Variants in ANKRD36C observed in about 807,000 individuals in gnomAD.
ANKRD36C encodes the protein ankyrin repeat domain 36C, also known as ankyrin repeat domain-containing protein 36C.
In ANKRD36C, 61 loss-of-function variants were observed where a neutral mutation model predicts 276.4. The observed-to-expected ratio is 0.22, with a 90% confidence interval of 0.18 to 0.27. The LOEUF (loss-of-function observed/expected upper bound fraction) is 0.27, where lower values mean the gene tolerates loss of function less well. Among genes scored for constraint, ANKRD36C ranks in the 10% least tolerant of loss-of-function variants. The pLI is 1.00. For missense variants in ANKRD36C, 1,447 were observed against 2,032.3 expected, an observed-to-expected ratio of 0.71 and a Z score of 5.54; for synonymous variants, 483 against 680.1, an observed-to-expected ratio of 0.71 and a Z score of 4.51.
rs936491760 is a variant in ANKRD36C at position 95,893,276 on chromosome 2, G to C, written c.2756-1416C>G. 6.0e-5 allele frequency among the ~76,000 whole-genome samples: 9 copies of C among 151,216 alleles called. No individual in the cohort carries two copies. The East Asian group carries it at 1.6e-3, about 26-fold the overall frequency. ...TAAAGCAAAACTATGCTGTTCCCCAGAGCCCCTTATGTCTTCAACTGCTCT... is the reference window on the plus strand; with the variant it reads ...TAAAGCAAAACTATGCTGTTCCCCACAGCCCCTTATGTCTTCAACTGCTCT... On this transcript the variant is annotated intron_variant, in intron 44 of 66. Transcript: ENST00000456556.
chr2:95,865,575 G>T, intron 60 of ANKRD36C, among the ~76,000 whole-genome samples: 2 of 151,940 alleles, frequency 1.3e-5, no homozygotes, highest in East Asian at 1.9e-4. Context: ...AGATATCTTG[G>T]GGATAGGACC....
At chr2:95,987,748 A>C (rs1190034063) in intron 1 of ANKRD36C, among the ~76,000 whole-genome samples, 6 of 151,556 alleles carry the variant, frequency 4.0e-5, no homozygotes, top group African/African-American at 1.5e-4. Flanking sequence ...CAGCCTCCCG[A>C]GTAGCTGGGA....
intron 44 of ANKRD36C, 123 bp downstream of exon 64, chr2:95,893,410 A>G: frequency 7.3e-7 from 1 of 1,374,096 alleles, no homozygotes; most frequent in African/African-American, 1.5e-5. Flanking sequence ...CTACAAATGA[A>G]GAATCTCCGG....
Position 95,941,096 on chromosome 2 carries a change from A to G in ANKRD36C, c.1531+64T>C, listed in dbSNP as rs1004927599. 5.1e-6 allele frequency: 7 copies of G among 1,372,874 alleles called. No homozygotes were observed. The African/African-American group carries it at 9.0e-5, about 18-fold the overall frequency. 85.0% of individuals were successfully genotyped at this position (1,372,874 alleles called of 1,614,324 possible). On this transcript the variant is annotated intron_variant, in intron 20 of 66. Transcript: ENST00000456556. ...TACCTCACCACCTTTGTTTCTTTGTACACAAAAAATAACATTATCATTATT... is the reference window on the plus strand; with the variant it reads ...TACCTCACCACCTTTGTTTCTTTGTGCACAAAAAATAACATTATCATTATT...
rs553147684 is a variant in ANKRD36C at position 95,902,515 on chromosome 2, A to G, written c.2654-3179T>C. ...TACGGGTTGTTACAACAAGCTTTCT[A>G]TCTTTTCTTGGCAGTACGATCTGAA... On this transcript the variant is annotated intron_variant, in intron 42 of 66. Transcript: ENST00000456556. 7.6e-4 allele frequency among the ~76,000 whole-genome samples: 114 copies of G among 150,146 alleles called. 1 individual carries two copies. The highest frequency in any genetic ancestry group is 1.0e-3 in the South Asian group (5 of 4,768).
chr2:95,972,580 A>T (rs1458509740), intron 6 of ANKRD36C, among the ~76,000 whole-genome samples: 2 of 152,212 alleles, frequency 1.3e-5, no homozygotes, highest in Non-Finnish European at 2.9e-5. Flanking sequence ...AGTCCTTCTA[A>T]GTGAATCGCC....
chr2:95,927,987 A>C (rs1677456702), intron 26 of ANKRD36C, among the ~76,000 whole-genome samples: 1 of 151,650 alleles, frequency 6.6e-6, no homozygotes, highest in Admixed American at 6.6e-5. Flanking sequence ...CATGTGGTGT[A>C]ATAATTTGCC....
intron 60 of ANKRD36C, among the ~76,000 whole-genome samples, chr2:95,860,346 G>A (rs74951736): frequency 2.6e-5 from 4 of 151,618 alleles, no homozygotes; most frequent in Non-Finnish European, 5.9e-5. Context: ...ACATAGTTAT[G>A]TGATTGCATA....
chr2:95,991,691 C>T, exon 1 of ANKRD36C: 6 of 1,613,494 alleles, frequency 3.7e-6, no homozygotes, highest in African/African-American at 1.3e-5. Flanking sequence ...GCCACCTCTT[C>T]GGCTCCTTGT....
At chr2:95,893,797 T>G (rs1476460557) in intron 44 of ANKRD36C, 73 bp from the exon 63 acceptor site, 2 of 1,597,780 alleles carry the variant, frequency 1.3e-6, no homozygotes, top group African/African-American at 2.7e-5. Context: ...CATGCAGAGT[T>G]AGCATCAAAC....
At chr2:95,916,975 T>C (rs1385510776) in intron 36 of ANKRD36C, among the ~76,000 whole-genome samples, 4 of 151,634 alleles carry the variant, frequency 2.6e-5, no homozygotes, top group Admixed American at 6.6e-5. Context: ...AAAATGACCA[T>C]TTTAGGAGTT....
In ANKRD36C at chr2:95,883,688, T is replaced by C. The variant is rs1685775823; in HGVS notation, c.3265+485A>G. Among the ~76,000 whole-genome samples the C allele has an allele frequency of 2.0e-5, 3 of 152,062 alleles. 1 individual carries two copies. The South Asian group carries it at 6.2e-4, about 32-fold the overall frequency. On this transcript the variant is annotated intron_variant, in intron 54 of 66. Transcript: ENST00000456556. Reference sequence around the variant, plus strand: ...ACAAAATTACCTAAATAACTTCTTATTTTCCCTCCTTTCTGCCTGACAATC... The same window carrying C: ...ACAAAATTACCTAAATAACTTCTTACTTTCCCTCCTTTCTGCCTGACAATC...
exon 28 of ANKRD36C, chr2:95,927,264 G>A (rs1677430546): frequency 6.2e-7 from 1 of 1,609,996 alleles, no homozygotes; most frequent in South Asian, 1.1e-5. Context: ...ATTTGAAACA[G>A]AATCTTTCTC....
chr2:95,891,140 G>A (rs192160541), intron 46 of ANKRD36C, among the ~76,000 whole-genome samples: 1 of 151,448 alleles, frequency 6.6e-6, no homozygotes, highest in Admixed American at 6.6e-5. Context: ...GTTCACTCAG[G>A]TTTCCTCAGC....
intron 19 of ANKRD36C, 146 bp downstream of exon 19, chr2:95,944,481 A>T (rs558261768): frequency 1.3e-6 from 1 of 764,466 alleles, no homozygotes; most frequent in African/African-American, 1.8e-5. Context: ...GGGAGATGGC[A>T]AGTGAATAAA....
intron 60 of ANKRD36C, among the ~76,000 whole-genome samples, chr2:95,863,983 T>C (rs1009208389): frequency 1.3e-5 from 2 of 151,998 alleles, no homozygotes; most frequent in African/African-American, 2.4e-5. Context: ...GGGGTGATTG[T>C]GATGTGTCAA....
At chr2:95,912,773 A>G (rs181769815) in intron 40 of ANKRD36C, among the ~76,000 whole-genome samples, 2 of 151,638 alleles carry the variant, frequency 1.3e-5, no homozygotes, top group East Asian at 2.0e-4. Context: ...GTGAGAATCA[A>G]TGTCAGAACA....
At chr2:95,925,541 G>T (rs180830676) in exon 29 of ANKRD36C, 2 of 1,548,184 alleles carry the variant, frequency 1.3e-6, no homozygotes, top group South Asian at 2.4e-5. Flanking sequence ...TTGTTTCTGA[G>T]GAGACACTGA....
Position 95,852,364 on chromosome 2 carries a change from T to G in ANKRD36C, c.5149-168A>C, listed in dbSNP as rs1277520680. 12 of 620,092 alleles carry G rather than the reference T, an allele frequency of 1.9e-5. No individual in the cohort carries two copies. The East Asian group carries it at 2.3e-4, about 12-fold the overall frequency. 38.4% of individuals were successfully genotyped at this position (620,092 alleles called of 1,614,324 possible). On this transcript the variant is annotated intron_variant, in intron 64 of 66. Coordinates refer to ENST00000456556, the Ensembl canonical transcript of ANKRD36C. ...TCATCCCATTACCTGTTTTTTGTAA[T>G]TAATTTTAGTGGGACACTGCTACAC...
Sources: allele counts gnomAD v4.1 joint callset (sites outside exome capture counted in the v4.1 genomes callset), GRCh38; gene constraint gnomAD v4.1.1; transcripts MANE v1.5; gene names NCBI Gene and HGNC (gene_info 2026-07-23, HGNC 2026-07-21).